The following AGO4 variants were observed in gnomAD, a reference collection of about 807,000 sequenced individuals.
AGO4 encodes the protein protein argonaute-4.
In AGO4, 33 loss-of-function variants were observed where a neutral mutation model predicts 104.7. The ratio of observed to expected loss-of-function variants is 0.32; its 90% CI spans 0.24 to 0.42. The LOEUF is 0.42. Ranked by LOEUF, AGO4 falls within the 10% of genes least tolerant of loss-of-function variation. AGO4 has a pLI of 1.00. For synonymous variants in AGO4, 331 were observed against 364.7 expected, an observed-to-expected ratio of 0.91 and a Z score of 1.05; for missense variants, 711 against 1,083.4, an observed-to-expected ratio of 0.66 and a Z score of 4.83.
At chr1:35,846,399 C>T (rs1018563029) in intron 15 of AGO4, among the ~76,000 whole-genome samples, 1 of 151,898 alleles carries the variant, frequency 6.6e-6, no homozygotes, top group Non-Finnish European at 1.5e-5. Flanking sequence ...AGATCGAGAC[C>T]ATCCTGGCTA....
chr1:35,827,694 C>T (rs972702010), intron 7 of AGO4, among the ~76,000 whole-genome samples: 4 of 151,612 alleles, frequency 2.6e-5, no homozygotes, highest in African/African-American at 9.7e-5. Flanking sequence ...GTATGTTAAA[C>T]ATAGATTAAC....
intron 15 of AGO4, among the ~76,000 whole-genome samples, chr1:35,844,470 T>G (rs898365679): frequency 6.6e-6 from 1 of 152,146 alleles, no homozygotes; most frequent in African/African-American, 2.4e-5. Flanking sequence ...CTTTATACTC[T>G]TCTCAAGTCC....
chr1:35,811,460 C>CA (rs550629381), intron 1 of AGO4, among the ~76,000 whole-genome samples: 52 of 120,906 alleles, frequency 4.3e-4, no homozygotes, highest in Non-Finnish European at 6.5e-4. Context: ...AGACTCCATC[C>CA]AAAAAAAAAC....
chr1:35,814,615 A>G (rs552766695), intron 1 of AGO4, among the ~76,000 whole-genome samples: 86 of 152,196 alleles, frequency 5.7e-4, no homozygotes, highest in Non-Finnish European at 1.0e-3. Context: ...GGTTTCTTAT[A>G]CTTGCTCTAT....
chr1:35,821,893 A>ATT (rs765355292), intron 2 of AGO4, among the ~76,000 whole-genome samples: 11 of 144,724 alleles, frequency 7.6e-5, no homozygotes, highest in African/African-American at 1.5e-4. Flanking sequence ...TTGAATAAGG[A>ATT]TTTTTTTTTT....
intron 1 of AGO4, among the ~76,000 whole-genome samples, chr1:35,812,024 A>C (rs1215822517): frequency 2.0e-5 from 3 of 152,268 alleles, no homozygotes; most frequent in South Asian, 4.1e-4. Context: ...ACGTCATGCA[A>C]TTAGGGAGTG....
At chr1:35,845,509 T>C (rs1313923436) in intron 15 of AGO4, among the ~76,000 whole-genome samples, 1 of 152,082 alleles carries the variant, frequency 6.6e-6, no homozygotes, top group African/African-American at 2.4e-5. Flanking sequence ...GCCCGGCCTG[T>C]AATCAGACTT....
rs866992737 is a variant in AGO4, at chr1:35,841,839, C to T, written c.2175+89C>T. On this transcript the variant is annotated intron_variant, in intron 15 of 17. Transcript: ENST00000373210. The surrounding 1 kb of genome is among the most constrained non-coding windows in gnomAD (Gnocchi z 4.7). Reference sequence around the variant, plus strand: ...ATATATATATATATATATATATATACACCATTTTTATACAATTTTTTTCTT... The same window carrying T: ...ATATATATATATATATATATATATATACCATTTTTATACAATTTTTTTCTT... The T allele has an allele frequency of 7.9e-3, 6,386 of 803,656 alleles. 176 individuals carry two copies. Among genetic ancestry groups the T allele is most frequent in the Admixed American group, 0.02 (401 of 20,304 alleles). The allele number at this position is 803,656 out of a possible 1,614,324, so 49.8% of individuals were successfully genotyped here. A position where few individuals can be genotyped will look rare whatever the true frequency, so the allele number is the denominator to read the frequency against.
intron 12 of AGO4, among the ~76,000 whole-genome samples, 198 bp downstream of exon 12, chr1:35,834,372 T>C (rs764729489): frequency 5.3e-5 from 8 of 152,232 alleles, no homozygotes; most frequent in Non-Finnish European, 8.8e-5. Context: ...TCATCTCCAT[T>C]TGGGGACCCA....
At chr1:35,822,318 C>T (rs548460122) in intron 2 of AGO4, among the ~76,000 whole-genome samples, 6 of 152,076 alleles carry the variant, frequency 3.9e-5, no homozygotes, top group African/African-American at 7.2e-5. Context: ...TGCAATGGCA[C>T]GATCTTGGTT....
rs559374979 is a variant in AGO4 at position 35,846,865 on chromosome 1, C to T, written c.2176-3292C>T. The stretch of plus-strand genomic sequence containing the variant: ...GACCTGCTGCAGATACCAAAATCCA[C>T]ATATGCTCAAGTCCCTGATATAAAA... On this transcript the variant is annotated intron_variant, in intron 15 of 17. Coordinates refer to ENST00000373210, the MANE Select transcript of AGO4 (RefSeq NM_017629.4). Among the ~76,000 whole-genome samples, 749 of 152,062 alleles carry T rather than the reference C, an allele frequency of 4.9e-3. 1 individual carries two copies. Among genetic ancestry groups the T allele is most frequent in the South Asian group, 0.014 (65 of 4,814 alleles).
At chr1:35,812,313 G>A (rs1643535393) in intron 1 of AGO4, among the ~76,000 whole-genome samples, 1 of 151,876 alleles carries the variant, frequency 6.6e-6, no homozygotes, top group South Asian at 2.1e-4. Context: ...TTTTCTCTTT[G>A]CCAAGGAAAG....
At chr1:35,828,609 TC>T (rs1235769467) in intron 7 of AGO4, among the ~76,000 whole-genome samples, 1 of 151,850 alleles carries the variant, frequency 6.6e-6, no homozygotes, top group Non-Finnish European at 1.5e-5. Flanking sequence ...AACCTCCACC[TC>T]CCCGGTTCAA....
intron 1 of AGO4, among the ~76,000 whole-genome samples, chr1:35,810,118 A>T (rs1643452316): frequency 6.6e-6 from 1 of 152,134 alleles, no homozygotes; most frequent in Non-Finnish European, 1.5e-5. Context: ...ATTAATTCTC[A>T]CTAACCACAT....
intron 1 of AGO4, among the ~76,000 whole-genome samples, chr1:35,814,087 G>A (rs1361543489): frequency 1.4e-5 from 2 of 146,722 alleles, no homozygotes; most frequent in African/African-American, 2.5e-5. Flanking sequence ...AAAAAAAAAA[G>A]AGAGAGAAAG....
At position 35,854,413 on chromosome 1, in the gene AGO4, G is replaced by C. The variant is rs1644775764; in HGVS notation, c.*808G>C. 1 of 152,576 alleles carries C rather than the reference G, an allele frequency of 6.6e-6. No individual in the cohort carries two copies. The highest frequency in any genetic ancestry group is 1.5e-5 in the Non-Finnish European group (1 of 68,012). 9.5% of individuals were successfully genotyped at this position (152,576 alleles called of 1,614,324 possible). On this transcript the variant is annotated 3_prime_UTR_variant, in exon 18 of 18. Transcript: ENST00000373210. Reference sequence around the variant, plus strand: ...TTAGTATTTTTCCAAGTTTTCAAAAGTGCCCATTTTATGCTGCTGTGTGGT... The same window carrying C: ...TTAGTATTTTTCCAAGTTTTCAAAACTGCCCATTTTATGCTGCTGTGTGGT...
At position 35,826,787 on chromosome 1, in the gene AGO4, G is replaced by A. The variant is rs1644030725; in HGVS notation, c.800G>A (p.Arg267Gln). Reference protein sequence around the residue: ...VEVTHCGQMKRKYRVCNVTRR... With the variant: ...VEVTHCGQMKQKYRVCNVTRR... ...GTGACCCACTGTGGACAGATGAAAC[G>A]AAAATACCGAGTTTGTAATGTGACT... Residue 267 changes from arginine to glutamine, a missense_variant, in exon 7 of 18, where the codon CGA becomes CAA. By Grantham distance (43) the Arg-to-Gln change is conservative. Transcript: ENST00000373210. 1.2e-6 allele frequency: 2 copies of A among 1,614,122 alleles called. No individual in the cohort carries two copies. Among genetic ancestry groups the A allele is most frequent in the Non-Finnish European group, 1.7e-6 (2 of 1,179,994 alleles).
In AGO4 at chr1:35,822,880, G is replaced by A. The variant is rs763367186; in HGVS notation, c.204G>A (p.Met68Ile). The change falls in exon 3 of 18, where the codon ATG becomes ATA. Residue 68 changes from methionine (M) to isoleucine (I), a missense_variant. Physicochemically the swap from Met to Ile is conservative, Grantham distance 10. Coordinates refer to ENST00000373210, the MANE Select transcript of AGO4 (RefSeq NM_017629.4). ...TGTGAAGGGAGGTAGTAGATACAAT[G>A]GTGCGGCACTTCAAGATGCAAATAT... ...RRVNREVVDTMVRHFKMQIFG... is the reference protein window; with the variant it reads ...RRVNREVVDTIVRHFKMQIFG... The A allele has an allele frequency of 8.1e-6, 13 of 1,613,938 alleles. No individual in the cohort carries two copies. Among genetic ancestry groups the A allele is most frequent in the Non-Finnish European group, 1.0e-5 (12 of 1,179,988 alleles).
rs149478166 is a variant in AGO4 at position 35,856,830 on chromosome 1, A to AG, written c.*3237dup. On this transcript the variant is annotated 3_prime_UTR_variant, in exon 18 of 18. Coordinates refer to ENST00000373210, the MANE Select transcript of AGO4 (RefSeq NM_017629.4). ...GCGAAACTCTGTCTCAAAAAAAAAA[A>AG]GGGGGGGGGGGGACATTAAGAGAGT... 1 of 125,082 alleles carries AG rather than the reference A, an allele frequency of 8.0e-6. No individual in the cohort carries two copies. Among genetic ancestry groups the AG allele is most frequent in the African/African-American group, 3.0e-5 (1 of 32,860 alleles). The allele number at this position is 125,082 out of a possible 1,614,324, so 7.7% of individuals were successfully genotyped here.
Sources: allele counts gnomAD v4.1 joint callset (sites outside exome capture counted in the v4.1 genomes callset), GRCh38; gene constraint gnomAD v4.1.1; non-coding constraint Gnocchi (gnomAD v3.1); transcripts MANE v1.5; gene names NCBI Gene and HGNC (gene_info 2026-07-23, HGNC 2026-07-21).